Variants in PALS2 observed in about 807,000 individuals in gnomAD.
The protein encoded by PALS2 is protein PALS2.
PALS2 carries 27 observed loss-of-function variants against 61.6 expected under a neutral mutation model. That is an observed-to-expected ratio of 0.44 (90% confidence interval 0.32 to 0.60). The LOEUF (loss-of-function observed/expected upper bound fraction) is 0.60, where lower values mean the gene tolerates loss of function less well. Ranked by LOEUF, PALS2 falls within the 20% of genes least tolerant of loss-of-function variation. The pLI is 0.05. For synonymous variants in PALS2, 236 were observed against 218.6 expected (o/e 1.08, Z -0.70); for missense variants, 554 against 639.4 (o/e 0.87, Z 1.44).
chr7:24,617,238 C>G (rs979341632), intron 1 of PALS2, among the ~76,000 whole-genome samples: 8 of 152,054 alleles, frequency 5.3e-5, no homozygotes, highest in African/African-American at 1.9e-4. Flanking sequence ...TTTCTGTTTT[C>G]TAATATCTCT....
intron 9 of PALS2, among the ~76,000 whole-genome samples, chr7:24,672,841 G>A (rs1243599320): frequency 1.3e-5 from 2 of 152,050 alleles, no homozygotes; most frequent in Non-Finnish European, 2.9e-5. Context: ...CATGTCATCT[G>A]CAAATAGAGA....
rs1198045237 is a variant in PALS2, at chr7:24,691,403, G to GTATATATA, written c.*3790_*3791insATATATAT. The GTATATATA allele has an allele frequency of 9.3e-6, 1 of 108,076 alleles. No homozygotes were observed. The highest frequency in any genetic ancestry group is 3.2e-4 in the South Asian group (1 of 3,080). 6.7% of individuals were successfully genotyped at this position (108,076 alleles called of 1,614,324 possible). ...ATATATTATGTATGTGTGTGTGTGT[G>GTATATATA]TGTATATATATATATATATATATAT... On this transcript the variant is annotated 3_prime_UTR_variant, in exon 12 of 12. Coordinates refer to ENST00000222644, the MANE Select transcript of PALS2 (RefSeq NM_001303037.2).
intron 5 of PALS2, among the ~76,000 whole-genome samples, chr7:24,657,178 A>G (rs1317391922): frequency 6.6e-6 from 1 of 152,212 alleles, no homozygotes; most frequent in African/African-American, 2.4e-5. Flanking sequence ...TGGGGCTTTT[A>G]CAAATAAAGC....
chr7:24,677,882 C>G (rs1362125652), intron 9 of PALS2, among the ~76,000 whole-genome samples: 4 of 152,130 alleles, frequency 2.6e-5, no homozygotes, highest in Non-Finnish European at 5.9e-5. Context: ...ACATAATGAT[C>G]TCATTTGACC....
At chr7:24,662,277 AATAAT>A (rs1351979537) in intron 5 of PALS2, among the ~76,000 whole-genome samples, 1 of 152,216 alleles carries the variant, frequency 6.6e-6, no homozygotes, top group African/African-American at 2.4e-5. Flanking sequence ...TTACCACACT[AATAAT>A]ATAATATGTC....
intron 1 of PALS2, among the ~76,000 whole-genome samples, chr7:24,586,453 A>T (rs945546034): frequency 3.9e-5 from 6 of 152,208 alleles, no homozygotes; most frequent in Admixed American, 2.0e-4. Flanking sequence ...GTATGGAATA[A>T]CCAAGGAAAA....
chr7:24,644,508 G>A lies in PALS2; in HGVS notation c.270+2640G>A, dbSNP rs200367188. The stretch of plus-strand genomic sequence containing the variant: ...TTGGTATTCCATGGTGTGTGTGTGT[G>A]TATATATATATATATCACATTTTCT... On this transcript the variant is annotated intron_variant, in intron 3 of 11. Coordinates refer to ENST00000222644, the MANE Select transcript of PALS2 (RefSeq NM_001303037.2). Among the ~76,000 whole-genome samples the A allele has an allele frequency of 2.8e-4, 42 of 150,506 alleles. 1 individual carries two copies. The highest frequency in any genetic ancestry group is 8.4e-4 in the South Asian group (4 of 4,768).
chr7:24,659,708 G>A (rs762858235), intron 5 of PALS2, among the ~76,000 whole-genome samples: 5 of 152,104 alleles, frequency 3.3e-5, no homozygotes, highest in East Asian at 1.9e-4. Context: ...ATTCTTGACC[G>A]TATACAACTT....
intron 11 of PALS2, among the ~76,000 whole-genome samples, chr7:24,683,247 T>C (rs1365864571): frequency 6.6e-6 from 1 of 152,208 alleles, no homozygotes; most frequent in African/African-American, 2.4e-5. Flanking sequence ...CATCAAGTAG[T>C]TGATTATTCT....
intron 2 of PALS2, among the ~76,000 whole-genome samples, chr7:24,635,534 T>A (rs530011052): frequency 1.3e-5 from 2 of 152,294 alleles, no homozygotes; most frequent in African/African-American, 2.4e-5. Context: ...GAATGGCTTT[T>A]TTATTTTTCT....
intron 2 of PALS2, among the ~76,000 whole-genome samples, chr7:24,628,150 A>G (rs1257743782): frequency 1.3e-5 from 2 of 152,244 alleles, no homozygotes; most frequent in East Asian, 3.8e-4. Context: ...CCAGCAGCAC[A>G]TTAAAAGGCT....
intron 5 of PALS2, among the ~76,000 whole-genome samples, chr7:24,656,827 C>T (rs566392225): frequency 5.9e-5 from 9 of 152,294 alleles, no homozygotes; most frequent in East Asian, 1.9e-4. Context: ...CCATTGCTCC[C>T]GGCCTCCCAG....
intron 1 of PALS2, among the ~76,000 whole-genome samples, chr7:24,623,065 G>T (rs1784587048): frequency 6.6e-6 from 1 of 151,946 alleles, no homozygotes; most frequent in African/African-American, 2.4e-5. Flanking sequence ...ACTGGATTCA[G>T]TATTTTGTTT....
chr7:24,617,282 AT>A (rs1328325223), intron 1 of PALS2, among the ~76,000 whole-genome samples: 2 of 151,864 alleles, frequency 1.3e-5, no homozygotes, highest in Non-Finnish European at 2.9e-5. Context: ...ACAATGAATC[AT>A]TTTTCCTAAT....
intron 1 of PALS2, among the ~76,000 whole-genome samples, chr7:24,601,706 T>G (rs1454985439): frequency 6.6e-6 from 1 of 152,120 alleles, no homozygotes; most frequent in African/African-American, 2.4e-5. Context: ...AGTCTGAAAA[T>G]TATTTTTAAC....
rs565039887 is a variant in PALS2, at chr7:24,646,492, G to A, written c.271-3120G>A. On this transcript the variant is annotated intron_variant, in intron 3 of 11. Transcript: ENST00000222644. Reference sequence around the variant, plus strand: ...AATGTTGAACAGACCTTGCATTCTGGGGATGAAGCCTACTTGATCATGGTG... The same window carrying A: ...AATGTTGAACAGACCTTGCATTCTGAGGATGAAGCCTACTTGATCATGGTG... Among the ~76,000 whole-genome samples, 3 of 152,208 alleles carry A rather than the reference G, an allele frequency of 2.0e-5. No homozygotes were observed. In the East Asian group the frequency reaches 5.8e-4, roughly 29 times the overall value.
At chr7:24,615,317 C>A (rs1356294266) in intron 1 of PALS2, among the ~76,000 whole-genome samples, 6 of 151,472 alleles carry the variant, frequency 4.0e-5, no homozygotes, top group Admixed American at 2.6e-4. Context: ...TAAAATAATA[C>A]AAAGTCAACA....
At chr7:24,586,356 A>G (rs763316282) in intron 1 of PALS2, among the ~76,000 whole-genome samples, 14 of 152,212 alleles carry the variant, frequency 9.2e-5, no homozygotes, top group Non-Finnish European at 1.6e-4. Context: ...TACTTGATTG[A>G]GTTAATTTTG....
At chr7:24,667,422 A>G (rs893721852) in intron 8 of PALS2, among the ~76,000 whole-genome samples, 1 of 152,140 alleles carries the variant, frequency 6.6e-6, no homozygotes, top group African/African-American at 2.4e-5. Flanking sequence ...TTGCCATACA[A>G]TATTTATTCA....
Sources: gnomAD v4.1 joint callset for allele counts (sites outside exome capture counted in the v4.1 genomes callset) on GRCh38, gnomAD v4.1.1 for gene constraint, MANE v1.5 for transcripts, NCBI Gene and HGNC (gene_info 2026-07-23, HGNC 2026-07-21) for gene names.